Variants in RABGGTB observed in about 807,000 individuals in gnomAD.
The protein encoded by RABGGTB is Rab geranylgeranyltransferase subunit beta.
In RABGGTB, 20 loss-of-function variants were observed where a neutral mutation model predicts 44.5. That is an observed-to-expected ratio of 0.45 (90% CI 0.32 to 0.65). RABGGTB has a LOEUF of 0.65. RABGGTB is among the 30% of genes least tolerant of loss of function. The pLI is 0.05. For synonymous variants in RABGGTB, 128 were observed against 136.7 expected, an observed-to-expected ratio of 0.94 and a Z score of 0.44; for missense variants, 302 against 398.7, an observed-to-expected ratio of 0.76 and a Z score of 2.06.
chr1:75,794,073 T>C lies in RABGGTB; in HGVS notation c.706-11T>C, dbSNP rs1649712200. On this transcript the variant is annotated splice_polypyrimidine_tract_variant and intron_variant, in intron 7 of 8. Transcript: ENST00000319942. ...AGAGAATGAAATTGTGGCAACTTTT[T>C]TCCCTCCTAGTTACCAGATGTATGC... 2 of 1,545,032 alleles carry C rather than the reference T, an allele frequency of 1.3e-6. No homozygotes were observed. The highest frequency in any genetic ancestry group is 2.3e-5 in the East Asian group (1 of 44,334).
chr1:75,792,971 G>A (rs911838920), intron 7 of RABGGTB, among the ~76,000 whole-genome samples: 7 of 152,030 alleles, frequency 4.6e-5, no homozygotes, highest in African/African-American at 1.7e-4. Context: ...GACTACAGGC[G>A]CACGGCTAAT....
intron 7 of RABGGTB, 49 bp downstream of exon 7, chr1:75,792,355 T>C (rs1649666431): frequency 6.3e-7 from 1 of 1,592,994 alleles, no homozygotes; most frequent in African/African-American, 1.3e-5. Context: ...CTTGAGTGAA[T>C]GCTGCTGCTT....
At position 75,794,238 on chromosome 1, in the gene RABGGTB, G is replaced by A. The variant is rs769343358; in HGVS notation, c.855+5G>A. ...GCAGACAGGCCAGGAGATATGGCAA[G>A]TAATATTTCTGACATATTTCTATAA... On this transcript the variant is annotated splice_donor_5th_base_variant and intron_variant, in intron 8 of 8. Coordinates refer to ENST00000319942, the MANE Select transcript of RABGGTB (RefSeq NM_004582.4). 1 of 1,595,800 alleles carries A rather than the reference G, an allele frequency of 6.3e-7. No homozygotes were observed. Among genetic ancestry groups the A allele is most frequent in the East Asian group, 2.2e-5 (1 of 44,620 alleles).
At chr1:75,787,191 T>G in intron 1 of RABGGTB, 1 of 602,076 alleles carries the variant, frequency 1.7e-6, no homozygotes, top group Non-Finnish European at 3.1e-6. Context: ...CCTGAATGAT[T>G]TAAGTTCTTT....
intron 2 of RABGGTB, 49 bp from the exon 3 acceptor site, chr1:75,789,110 C>A: frequency 6.5e-7 from 1 of 1,542,912 alleles, no homozygotes; most frequent in Non-Finnish European, 9.0e-7. Context: ...CTCTTTATAA[C>A]TTGTTACCAG....
chr1:75,790,831 C>T (rs1649628570), intron 4 of RABGGTB, among the ~76,000 whole-genome samples: 1 of 152,106 alleles, frequency 6.6e-6, no homozygotes, highest in South Asian at 2.1e-4. Context: ...ACCACAACAC[C>T]TGGCTGGTTT....
At chr1:75,791,015 C>A (rs1649634516) in intron 4 of RABGGTB, among the ~76,000 whole-genome samples, 1 of 152,132 alleles carries the variant, frequency 6.6e-6, no homozygotes, top group African/African-American at 2.4e-5. Context: ...GTCTCAAACT[C>A]CTAGGCTCAA....
chr1:75,791,367 TA>T, intron 5 of RABGGTB, 30 bp downstream of exon 5: 3 of 1,598,204 alleles, frequency 1.9e-6, no homozygotes, highest in Non-Finnish European at 2.6e-6. Flanking sequence ...TTGAAATGAT[TA>T]AAGTTCATGA....
intron 7 of RABGGTB, 107 bp from the exon 8 acceptor site, chr1:75,793,977 T>C: frequency 8.6e-7 from 1 of 1,160,798 alleles, no homozygotes; most frequent in Non-Finnish European, 1.2e-6. Flanking sequence ...GGTTTGACAC[T>C]TTGAACATCA....
intron 1 of RABGGTB, chr1:75,786,917 G>A (rs1182480327): frequency 1.7e-5 from 6 of 351,788 alleles, no homozygotes; most frequent in South Asian, 1.3e-4. Flanking sequence ...CAAGTTAAGG[G>A]TTAGATTTTT....
Position 75,794,244 on chromosome 1 carries a change from T to C in RABGGTB, c.855+11T>C. 3 of 1,590,202 alleles carry C rather than the reference T, an allele frequency of 1.9e-6. No individual in the cohort carries two copies. The highest frequency in any genetic ancestry group is 2.7e-5 in the African/African-American group (2 of 73,950). ...AGGCCAGGAGATATGGCAAGTAATA[T>C]TTCTGACATATTTCTATAAATTATT... On this transcript the variant is annotated intron_variant, in intron 8 of 8. Transcript: ENST00000319942.
At chr1:75,792,904 C>T (rs973520056) in intron 7 of RABGGTB, among the ~76,000 whole-genome samples, 5 of 152,194 alleles carry the variant, frequency 3.3e-5, no homozygotes, top group African/African-American at 1.2e-4. Flanking sequence ...TCTTGATTCA[C>T]TGCAACCTCC....
At chr1:75,793,953 T>C in intron 7 of RABGGTB, 131 bp from the exon 8 acceptor site, 1 of 884,750 alleles carries the variant, frequency 1.1e-6, no homozygotes, top group Non-Finnish European at 1.7e-6. Context: ...TCCCTGGATT[T>C]CGTCCTTCCA....
intron 1 of RABGGTB, 57 bp downstream of exon 1, chr1:75,786,331 A>C (rs1649475903): frequency 6.2e-7 from 1 of 1,601,240 alleles, no homozygotes; most frequent in South Asian, 1.1e-5. Flanking sequence ...AGGGTGGAGT[A>C]GGGTTAAGCA....
chr1:75,787,765 G>C lies in RABGGTB; in HGVS notation c.111+161G>C, dbSNP rs565954469. On this transcript the variant is annotated intron_variant, in intron 2 of 8. Transcript: ENST00000319942. ...TCAGTTAAGTGTGCTTTGGACGTCT[G>C]AGGCTGTGGGCTTATTAGAATCTCA... 6.8e-5 allele frequency: 46 copies of C among 672,778 alleles called. No individual in the cohort carries two copies. The South Asian group carries it at 7.5e-4, about 11-fold the overall frequency. 41.7% of individuals were successfully genotyped at this position (672,778 alleles called of 1,614,324 possible).
chr1:75,791,452 T>G lies in RABGGTB; in HGVS notation c.469-9T>G. 3 of 1,602,966 alleles carry G rather than the reference T, an allele frequency of 1.9e-6. No individual in the cohort carries two copies. Among genetic ancestry groups the G allele is most frequent in the Non-Finnish European group, 1.7e-6 (2 of 1,175,470 alleles). Reference sequence around the variant, plus strand: ...GGAATTTAACAGGCATCTTTTTTTTTGTTTGTAGGGGAAGCTTGATGCTAT... The same window carrying G: ...GGAATTTAACAGGCATCTTTTTTTTGGTTTGTAGGGGAAGCTTGATGCTAT... On this transcript the variant is annotated splice_polypyrimidine_tract_variant and intron_variant, in intron 5 of 8. Transcript: ENST00000319942.
Position 75,792,205 on chromosome 1 carries a change from G to T in RABGGTB, c.604G>T (p.Ala202Ser). The change falls in exon 7 of 9, where the codon GCA becomes TCA. Residue 202 changes from alanine (A) to serine (S), a missense_variant. Physicochemically the swap from Ala to Ser is moderately conservative, Grantham distance 99 (BLOSUM62 1). This residue lies in a region of RABGGTB where 213 missense variants were observed against 323.7 expected (regional missense o/e 0.66). Coordinates refer to ENST00000319942, the MANE Select transcript of RABGGTB (RefSeq NM_004582.4). The stretch of plus-strand genomic sequence containing the variant: ...GATCTATTGTTGCACAGGATTTCTG[G>T]CAATTACAAGTCAGTTGCATCAAGT... ...GQIYCCTGFL[A>S]ITSQLHQVNS... is the part of the protein sequence containing the mutation. 6.2e-7 allele frequency: 1 copy of T among 1,610,464 alleles called. No homozygotes were observed. Among genetic ancestry groups the T allele is most frequent in the Non-Finnish European group, 8.5e-7 (1 of 1,176,766 alleles).
At chr1:75,791,632 G>C in intron 6 of RABGGTB, 61 bp downstream of exon 6, 1 of 1,404,306 alleles carries the variant, frequency 7.1e-7, no homozygotes, top group Non-Finnish European at 9.9e-7. Context: ...AGTAAAATAA[G>C]AAAATTGGTT....
At chr1:75,786,217 C>G (rs944777853), upstream of RABGGTB, 2 of 1,612,408 alleles carry the variant, frequency 1.2e-6, no homozygotes, top group Non-Finnish European at 8.5e-7. Flanking sequence ...GCGCAGGCGC[C>G]CGGCTCCTAA....
Sources: gnomAD v4.1 joint callset for allele counts (sites outside exome capture counted in the v4.1 genomes callset) on GRCh38, gnomAD v4.1.1 for gene constraint, gnomAD v4.1.1 regional missense constraint, MANE v1.5 for transcripts, NCBI Gene and HGNC (gene_info 2026-07-23, HGNC 2026-07-21) for gene names.